The following SND1 variants were observed in gnomAD, a reference collection of about 807,000 sequenced individuals.
SND1 encodes staphylococcal nuclease domain-containing protein 1.
In SND1, 38 loss-of-function variants were observed where a neutral mutation model predicts 121.7. The observed-to-expected ratio is 0.31, with a 90% CI of 0.24 to 0.41. SND1 has a LOEUF of 0.41. Among genes scored for constraint, SND1 ranks in the 10% least tolerant of loss-of-function variants. The pLI, the probability that SND1 is intolerant of heterozygous loss-of-function variation, is 1.00. For missense variants in SND1, 868 were observed against 1,184.6 expected (o/e 0.73, Z 3.92); for synonymous variants, 401 against 447.4 (o/e 0.90, Z 1.31).
intron 10 of SND1, among the ~76,000 whole-genome samples, chr7:127,768,212 A>T (rs1797453897): frequency 6.6e-6 from 1 of 152,122 alleles, no homozygotes. Context: ...GTGTTCTCTG[A>T]TTTTAATCAA....
chr7:127,966,829 C>T (rs1801863876), intron 15 of SND1, among the ~76,000 whole-genome samples: 1 of 141,700 alleles, frequency 7.1e-6, no homozygotes, highest in East Asian at 2.1e-4. Context: ...CAAAAGCTAG[C>T]AGAAGGCAAG....
chr7:127,964,592 C>G (rs957483828), intron 15 of SND1, among the ~76,000 whole-genome samples: 1 of 152,042 alleles, frequency 6.6e-6, no homozygotes, highest in African/African-American at 2.4e-5. Context: ...TCTGAGGGCC[C>G]TGTTCTGTTC....
chr7:127,889,861 T>C (rs1481644389), intron 13 of SND1, among the ~76,000 whole-genome samples: 1 of 152,136 alleles, frequency 6.6e-6, no homozygotes, highest in Admixed American at 6.6e-5. Flanking sequence ...GATCTCATTC[T>C]TTTTTAATGG....
chr7:127,720,463 G>A (rs185552047), intron 9 of SND1, among the ~76,000 whole-genome samples: 14 of 152,330 alleles, frequency 9.2e-5, no homozygotes, highest in African/African-American at 2.2e-4. Flanking sequence ...TGTATTATGC[G>A]TTCTAGCTAC....
chr7:127,924,236 G>A (rs1800786177), intron 14 of SND1, among the ~76,000 whole-genome samples: 1 of 152,106 alleles, frequency 6.6e-6, no homozygotes, highest in Admixed American at 6.5e-5. Flanking sequence ...TCAAGTGCTG[G>A]TAGAGTATAC....
intron 10 of SND1, among the ~76,000 whole-genome samples, chr7:127,776,230 C>A (rs1797618158): frequency 6.6e-6 from 1 of 152,170 alleles, no homozygotes; most frequent in South Asian, 2.1e-4. Context: ...GGGCACCAAT[C>A]ACAACAATAT....
chr7:127,782,397 C>T (rs1235603052), intron 10 of SND1, among the ~76,000 whole-genome samples: 1 of 152,158 alleles, frequency 6.6e-6, no homozygotes, highest in East Asian at 1.9e-4. Context: ...GCCAGGGACT[C>T]TGATAAGATA....
At chr7:128,074,956 G>A (rs1793482449) in intron 17 of SND1, among the ~76,000 whole-genome samples, 1 of 152,192 alleles carries the variant, frequency 6.6e-6, no homozygotes, top group Non-Finnish European at 1.5e-5. Context: ...CTGCTCAGGT[G>A]GTCCTGAAGC....
chr7:127,922,050 G>A (rs1800717437), intron 14 of SND1, among the ~76,000 whole-genome samples: 1 of 151,924 alleles, frequency 6.6e-6, no homozygotes, highest in South Asian at 2.1e-4. Flanking sequence ...GTGCAGTGGT[G>A]CGCCATCACT....
chr7:127,721,933 A>G (rs939154635), intron 10 of SND1, among the ~76,000 whole-genome samples: 48 of 152,314 alleles, frequency 3.2e-4, no homozygotes, highest in African/African-American at 1.1e-3. Context: ...TTTGGCAGAT[A>G]GGTTGGTGTA....
At chr7:128,012,308 A>G (rs1166939250) in intron 16 of SND1, among the ~76,000 whole-genome samples, 1 of 152,114 alleles carries the variant, frequency 6.6e-6, no homozygotes, top group Non-Finnish European at 1.5e-5. Flanking sequence ...GGATGAACTC[A>G]CTGTAACCGC....
intron 16 of SND1, among the ~76,000 whole-genome samples, chr7:128,012,096 T>C (rs887212089): frequency 2.6e-5 from 4 of 152,194 alleles, no homozygotes; most frequent in African/African-American, 7.2e-5. Flanking sequence ...GTTTAGGGGA[T>C]TAAATTTGGA....
intron 12 of SND1, among the ~76,000 whole-genome samples, chr7:127,882,800 C>T (rs978227011): frequency 2.0e-5 from 3 of 152,218 alleles, no homozygotes; most frequent in Admixed American, 6.5e-5. Context: ...AAATTGTGTG[C>T]CATGACATTA....
At chr7:127,716,523 T>C (rs1796394027) in intron 9 of SND1, among the ~76,000 whole-genome samples, 1 of 151,978 alleles carries the variant, frequency 6.6e-6, no homozygotes, top group Admixed American at 6.6e-5. Flanking sequence ...TTATTATTTA[T>C]AGAAATGCAG....
chr7:127,891,624 T>A (rs1800010304), intron 13 of SND1, among the ~76,000 whole-genome samples: 1 of 152,084 alleles, frequency 6.6e-6, no homozygotes, highest in Non-Finnish European at 1.5e-5. Flanking sequence ...GTCAATGCAT[T>A]TTCTCTACCT....
At chr7:127,831,760 C>G (rs1275810838) in intron 11 of SND1, among the ~76,000 whole-genome samples, 1 of 152,124 alleles carries the variant, frequency 6.6e-6, no homozygotes, top group Non-Finnish European at 1.5e-5. Flanking sequence ...TTTTTAAAGG[C>G]AGATGTTTTC....
chr7:127,907,513 C>G (rs1198574358), intron 14 of SND1, among the ~76,000 whole-genome samples: 1 of 152,172 alleles, frequency 6.6e-6, no homozygotes, highest in African/African-American at 2.4e-5. Context: ...ATTGATCCCC[C>G]TCTTAGTTGC....
At chr7:127,857,760 C>T (rs1318423764) in intron 12 of SND1, 3 of 632,864 alleles carry the variant, frequency 4.7e-6, no homozygotes, top group African/African-American at 1.8e-5. Flanking sequence ...GAAAAATGGC[C>T]TCCAACTTCC....
intron 16 of SND1, among the ~76,000 whole-genome samples, chr7:128,042,988 G>T (rs1792881486): frequency 6.6e-6 from 1 of 152,208 alleles, no homozygotes; most frequent in Admixed American, 6.5e-5. Flanking sequence ...TGAAGGAAAA[G>T]AATTAAGTGG....
Sources: gnomAD v4.1 joint callset for allele counts (sites outside exome capture counted in the v4.1 genomes callset) on GRCh38, gnomAD v4.1.1 for gene constraint, MANE v1.5 for transcripts, NCBI Gene and HGNC (gene_info 2026-07-23, HGNC 2026-07-21) for gene names.